DLG5: variants seen among roughly 807,000 people sequenced by gnomAD.
DLG5 encodes the protein disks large homolog 5.
In DLG5, 48 loss-of-function variants were observed where a neutral mutation model predicts 189.8. That is an observed-to-expected ratio of 0.25 (90% CI 0.20 to 0.32). The LOEUF is 0.32. Ranked by LOEUF, DLG5 falls within the 10% of genes least tolerant of loss-of-function variation. DLG5 has a pLI of 1.00. For missense variants in DLG5, 2,160 were observed against 2,544.7 expected (o/e 0.85, Z 3.25); for synonymous variants, 1,016 against 1,054.1 (o/e 0.96, Z 0.70).
chr10:77,929,422 G>A (rs1846766664), upstream of DLG5: 2 of 152,172 alleles, frequency 1.3e-5, no homozygotes, highest in South Asian at 4.1e-4. Flanking sequence ...GCACACCCTT[G>A]TAGTGGGTCG....
intron 13 of DLG5, among the ~76,000 whole-genome samples, chr10:77,827,824 A>C (rs1842713939): frequency 6.6e-6 from 1 of 152,226 alleles, no homozygotes; most frequent in Admixed American, 6.5e-5. Flanking sequence ...CGAATTGCAG[A>C]TCCCATTACT....
intron 13 of DLG5, among the ~76,000 whole-genome samples, chr10:77,827,891 A>G (rs1393910234): frequency 6.6e-6 from 1 of 152,168 alleles, no homozygotes; most frequent in African/African-American, 2.4e-5. Flanking sequence ...ATAGATTTGT[A>G]GGGGCACATA....
chr10:77,857,878 A>G (rs928778252), intron 2 of DLG5, among the ~76,000 whole-genome samples: 4 of 152,214 alleles, frequency 2.6e-5, no homozygotes, highest in African/African-American at 4.8e-5. Flanking sequence ...CAGGGGACAC[A>G]GTGTCTGTTC....
At position 77,829,386 on chromosome 10, in the gene DLG5, C is replaced by A. The variant is rs563750036; in HGVS notation, c.2154G>T (p.Thr718=). The part of the protein sequence containing the change: ...RRKSLGGKVV[T]PLHINLSGQK... The stretch of plus-strand genomic sequence containing the variant: ...GTCCACTGAGGTTGATGTGCAGCGG[C>A]GTGACCACCTTCCCACCCAGGGACT... The change falls in exon 12 of 32, where the codon ACG becomes ACT. Residue 718 remains threonine (T), a synonymous_variant. Coordinates refer to ENST00000372391, the MANE Select transcript of DLG5 (RefSeq NM_004747.4). The A allele has an allele frequency of 1.2e-6, 2 of 1,614,192 alleles. No homozygotes were observed. The highest frequency in any genetic ancestry group is 1.1e-5 in the South Asian group (1 of 91,086).
intron 7 of DLG5, among the ~76,000 whole-genome samples, chr10:77,837,425 G>A (rs1290779890): frequency 6.6e-6 from 1 of 152,086 alleles, no homozygotes; most frequent in Non-Finnish European, 1.5e-5. Context: ...GTGCAGACAG[G>A]ACGACAGGCA....
chr10:77,868,440 T>C, intron 2 of DLG5: 1 of 282,078 alleles, frequency 3.5e-6, no homozygotes, highest in Non-Finnish European at 7.0e-6. Context: ...CTCAGGCATG[T>C]GACTCCCCCT....
At chr10:77,806,000 T>C in intron 26 of DLG5, 139 bp from the exon 27 acceptor site, 1 of 795,056 alleles carries the variant, frequency 1.3e-6, no homozygotes, top group Admixed American at 2.8e-5. Flanking sequence ...CAAGGCTACA[T>C]CTCCTCCCAC....
intron 13 of DLG5, among the ~76,000 whole-genome samples, chr10:77,824,912 C>G (rs1164842815): frequency 1.3e-5 from 2 of 152,162 alleles, no homozygotes; most frequent in African/African-American, 4.8e-5. Context: ...AGAGAAAGTA[C>G]CACGCGAAGT....
At chr10:77,825,995 A>G (rs551644432) in intron 13 of DLG5, among the ~76,000 whole-genome samples, 1 of 152,332 alleles carries the variant, frequency 6.6e-6, no homozygotes, top group East Asian at 1.9e-4. Flanking sequence ...TGGCTCCCCA[A>G]AAAATCTGAA....
chr10:77,803,296 G>A (rs1232084841), intron 27 of DLG5, among the ~76,000 whole-genome samples: 4 of 152,204 alleles, frequency 2.6e-5, no homozygotes, highest in African/African-American at 9.6e-5. Flanking sequence ...CCACAGGGGT[G>A]TTCAGATTGT....
intron 20 of DLG5, among the ~76,000 whole-genome samples, 171 bp from the exon 21 acceptor site, chr10:77,812,548 A>G (rs1841832713): frequency 6.6e-6 from 1 of 152,226 alleles, no homozygotes; most frequent in Non-Finnish European, 1.5e-5. Flanking sequence ...CCTGTGTGAC[A>G]AACGATCACA....
intron 5 of DLG5, among the ~76,000 whole-genome samples, chr10:77,848,345 A>C (rs1367426910): frequency 6.6e-6 from 1 of 152,200 alleles, no homozygotes; most frequent in Admixed American, 6.5e-5. Flanking sequence ...AAGAAAATCA[A>C]CTTTCATGAA....
At chr10:77,887,785 G>A (rs897239522) in intron 1 of DLG5, among the ~76,000 whole-genome samples, 1 of 152,152 alleles carries the variant, frequency 6.6e-6, no homozygotes, top group Non-Finnish European at 1.5e-5. Flanking sequence ...TTAAAGTCAC[G>A]TTCCATTTCA....
At chr10:77,825,606 A>C (rs1300884705) in intron 13 of DLG5, among the ~76,000 whole-genome samples, 3 of 151,928 alleles carry the variant, frequency 2.0e-5, no homozygotes, top group African/African-American at 7.3e-5. Context: ...CTCAGGCTGA[A>C]GTGCAGAGGC....
intron 1 of DLG5, among the ~76,000 whole-genome samples, chr10:77,891,196 C>G (rs1845596205): frequency 6.6e-6 from 1 of 152,190 alleles, no homozygotes. Context: ...CCTGGCTTCA[C>G]CTATGAGGCT....
At chr10:77,812,782 G>A (rs1841847298) in intron 20 of DLG5, among the ~76,000 whole-genome samples, 1 of 152,266 alleles carries the variant, frequency 6.6e-6, no homozygotes. Flanking sequence ...TCCTAAGGGG[G>A]CAACAGAAAA....
At chr10:77,852,075 A>C (rs958150453) in intron 5 of DLG5, among the ~76,000 whole-genome samples, 1 of 152,190 alleles carries the variant, frequency 6.6e-6, no homozygotes, top group African/African-American at 2.4e-5. Flanking sequence ...TAAACAAATT[A>C]AGAATAACAG....
At position 77,810,810 on chromosome 10, in the gene DLG5, T is replaced by C. The variant is rs74140352; in HGVS notation, c.4463+284A>G. Among the ~76,000 whole-genome samples the C allele has an allele frequency of 9.9e-3, 1,493 of 151,408 alleles. 25 individuals carry two copies. The highest frequency in any genetic ancestry group is 0.034 in the African/African-American group (1,396 of 41,162). Reference sequence around the variant, plus strand: ...GCCGGGTGATGACTGTGGGAATGTGTCCAAAGACAGACTCAGAAAGCGAGT... The same window carrying C: ...GCCGGGTGATGACTGTGGGAATGTGCCCAAAGACAGACTCAGAAAGCGAGT... On this transcript the variant is annotated intron_variant, in intron 23 of 31. Coordinates refer to ENST00000372391, the MANE Select transcript of DLG5 (RefSeq NM_004747.4).
At chr10:77,813,163 G>A (rs1446197439) in intron 20 of DLG5, among the ~76,000 whole-genome samples, 2 of 152,246 alleles carry the variant, frequency 1.3e-5, no homozygotes, top group Non-Finnish European at 2.9e-5. Flanking sequence ...GTGATGCGGA[G>A]CCTCCCGTTG....
Sources: gnomAD v4.1 joint callset for allele counts (sites outside exome capture counted in the v4.1 genomes callset) on GRCh38, gnomAD v4.1.1 for gene constraint, MANE v1.5 for transcripts, NCBI Gene and HGNC (gene_info 2026-07-23, HGNC 2026-07-21) for gene names.